Variants in HUNK observed in about 807,000 individuals in gnomAD.
HUNK encodes the protein hormonally up-regulated Neu-associated kinase.
HUNK carries 21 observed loss-of-function variants against 61.0 expected under a neutral mutation model. The ratio of observed to expected loss-of-function variants is 0.34; its 90% CI spans 0.24 to 0.50. HUNK has a LOEUF of 0.50. Among genes scored for constraint, HUNK ranks in the 20% least tolerant of loss-of-function variants. The pLI, the probability that HUNK is intolerant of heterozygous loss-of-function variation, is 0.98. For synonymous variants in HUNK, 371 were observed against 386.1 expected, an observed-to-expected ratio of 0.96 and a Z score of 0.46; for missense variants, 772 against 945.7, an observed-to-expected ratio of 0.82 and a Z score of 2.41.
At chr21:31,990,580 G>C (rs1485430671) in intron 9 of HUNK, among the ~76,000 whole-genome samples, 3 of 151,464 alleles carry the variant, frequency 2.0e-5, no homozygotes. Flanking sequence ...CTGTCGCCCA[G>C]GCTGGAGTGC....
chr21:31,878,258 CA>C (rs59741283), intron 1 of HUNK, among the ~76,000 whole-genome samples: 29,253 of 89,430 alleles, frequency 0.33, 2,070 homozygotes, highest in Middle Eastern at 0.5. Context: ...GACTCCATCT[CA>C]AAAAAAAAAA....
chr21:31,942,037 C>T (rs1391158908), intron 3 of HUNK, among the ~76,000 whole-genome samples: 1 of 152,190 alleles, frequency 6.6e-6, no homozygotes, highest in African/African-American at 2.4e-5. Context: ...TGTGAAACCC[C>T]CGTCTCTATT....
chr21:31,955,585 C>T (rs57681467), intron 4 of HUNK, among the ~76,000 whole-genome samples: 2,782 of 152,190 alleles, frequency 0.018, 78 homozygotes, highest in African/African-American at 0.062. Flanking sequence ...AGCGAGACTC[C>T]GTCTCAAAAA....
chr21:31,919,243 C>T (rs1454163536), intron 1 of HUNK, among the ~76,000 whole-genome samples: 2 of 151,458 alleles, frequency 1.3e-5, no homozygotes, highest in African/African-American at 4.9e-5. Flanking sequence ...GGATGAGGGG[C>T]TGGATGGGGT....
At chr21:31,936,375 G>A (rs894929692) in intron 2 of HUNK, among the ~76,000 whole-genome samples, 3 of 152,318 alleles carry the variant, frequency 2.0e-5, no homozygotes, top group African/African-American at 7.2e-5. Flanking sequence ...AGCAGGAAGT[G>A]GAAGTAAATA....
intron 1 of HUNK, among the ~76,000 whole-genome samples, chr21:31,891,271 G>A (rs2052385872): frequency 1.3e-5 from 2 of 152,242 alleles, no homozygotes; most frequent in Admixed American, 6.5e-5. Flanking sequence ...CAGCTACTTG[G>A]GTGGCTGAGG....
At chr21:31,876,921 T>TA (rs1177301002) in intron 1 of HUNK, among the ~76,000 whole-genome samples, 1 of 152,136 alleles carries the variant, frequency 6.6e-6, no homozygotes, top group Non-Finnish European at 1.5e-5. Context: ...GTGCTACAAT[T>TA]ACAGATGTGA....
chr21:31,956,726 C>T (rs1446387115), intron 4 of HUNK, among the ~76,000 whole-genome samples: 3 of 152,126 alleles, frequency 2.0e-5, no homozygotes, highest in African/African-American at 2.4e-5. Context: ...GCCATCATTC[C>T]GATTCCGATT....
At chr21:31,874,013 T>G in intron 1 of HUNK, 78 bp downstream of exon 1, 1 of 1,171,410 alleles carries the variant, frequency 8.5e-7, no homozygotes, top group Non-Finnish European at 1.1e-6. Flanking sequence ...AGCACTGCAC[T>G]GGGAGTCCCA....
Position 31,873,619 on chromosome 21 carries a change from G to A in HUNK, c.-56G>A, listed in dbSNP as rs537192730. On this transcript the variant is annotated 5_prime_UTR_variant, in exon 1 of 11. Coordinates refer to ENST00000270112, the MANE Select transcript of HUNK (RefSeq NM_014586.2). This position sits in a 1 kb window ranked among gnomAD's most constrained non-coding sequence, Gnocchi z 6.1. The stretch of plus-strand genomic sequence containing the variant: ...CCGGGGAAGCCGAAGAGCCTGGGGA[G>A]GAGGAGCTGCGAGCGCGGGAGACGA... 18 of 989,600 alleles carry A rather than the reference G, an allele frequency of 1.8e-5. No homozygotes were observed. In the South Asian group the frequency reaches 7.3e-4, roughly 40 times the overall value. The allele number at this position is 989,600 out of a possible 1,614,324, so 61.3% of individuals were successfully genotyped here. A position where few individuals can be genotyped will look rare whatever the true frequency, so the allele number is the denominator to read the frequency against.
chr21:31,989,979 A>T, intron 8 of HUNK, 150 bp from the exon 9 acceptor site: 1 of 710,564 alleles, frequency 1.4e-6, no homozygotes, highest in Non-Finnish European at 2.6e-6. Context: ...TCTGCTGTCT[A>T]CTTCCATGGC....
At chr21:31,921,977 TTG>T (rs2052625284) in intron 1 of HUNK, among the ~76,000 whole-genome samples, 1 of 152,208 alleles carries the variant, frequency 6.6e-6, no homozygotes, top group Non-Finnish European at 1.5e-5. Flanking sequence ...GTTATCAGTT[TTG>T]TGTGTGTCTT....
At chr21:31,991,511 G>T (rs375006022) in intron 9 of HUNK, among the ~76,000 whole-genome samples, 1 of 152,142 alleles carries the variant, frequency 6.6e-6, no homozygotes, top group Non-Finnish European at 1.5e-5. Flanking sequence ...GAGCCACTGC[G>T]CCCGGCCCAA....
chr21:31,899,494 C>T (rs1180162349), intron 1 of HUNK, among the ~76,000 whole-genome samples: 1 of 152,096 alleles, frequency 6.6e-6, no homozygotes, highest in African/African-American at 2.4e-5. Context: ...GATTAGGGAC[C>T]CATCCTACTC....
rs780565997 is a variant in HUNK at position 31,974,704 on chromosome 21, G to A, written c.1160G>A (p.Arg387His). 2.1e-5 allele frequency: 34 copies of A among 1,613,202 alleles called. No individual in the cohort carries two copies. The highest frequency in any genetic ancestry group is 2.6e-5 in the Non-Finnish European group (31 of 1,179,650). Residue 387 changes from arginine (R) to histidine (H), a missense_variant, in exon 7 of 11, where the codon CGC becomes CAC. By Grantham distance (29) the Arg-to-His change is conservative (BLOSUM62 0). This residue lies in a region of HUNK where 413 missense variants were observed against 444.4 expected (regional missense o/e 0.93). Transcript: ENST00000270112. ...IYFLLNKKLE[R>H]YLSGKSDIQD... The stretch of plus-strand genomic sequence containing the variant: ...TTCCTCTTAAACAAGAAACTGGAGC[G>A]CTATTTGTCAGGGGTAAGTGCGACC...
intron 1 of HUNK, among the ~76,000 whole-genome samples, chr21:31,915,487 C>T (rs1165428622): frequency 1.3e-5 from 2 of 152,150 alleles, no homozygotes; most frequent in Admixed American, 6.5e-5. Flanking sequence ...TTCTAAAATA[C>T]AGCACATTGT....
intron 7 of HUNK, among the ~76,000 whole-genome samples, chr21:31,979,633 A>C (rs1187746537): frequency 2.1e-5 from 3 of 143,856 alleles, no homozygotes; most frequent in African/African-American, 7.9e-5. Flanking sequence ...CTCCAGTCTC[A>C]GCCTCCCAAG....
chr21:31,968,767 T>G (rs898207840), intron 6 of HUNK, among the ~76,000 whole-genome samples: 2 of 141,012 alleles, frequency 1.4e-5, no homozygotes, highest in Non-Finnish European at 3.1e-5. Flanking sequence ...AGAGAGAGAG[T>G]GAGTGTCTAT....
chr21:31,907,977 C>T (rs1233021589), intron 1 of HUNK, among the ~76,000 whole-genome samples: 1 of 151,234 alleles, frequency 6.6e-6, no homozygotes, highest in African/African-American at 2.4e-5. Flanking sequence ...GGTGACAGAG[C>T]GAGTCTCCAT....
Sources: gnomAD v4.1 joint callset for allele counts (sites outside exome capture counted in the v4.1 genomes callset) on GRCh38, gnomAD v4.1.1 for gene constraint, gnomAD v4.1.1 regional missense constraint, Gnocchi (gnomAD v3.1) non-coding constraint, MANE v1.5 for transcripts, NCBI Gene and HGNC (gene_info 2026-07-23, HGNC 2026-07-21) for gene names.